Variants in LYPD6 observed in about 807,000 individuals in gnomAD.
LYPD6 encodes the protein ly6/PLAUR domain-containing protein 6.
A neutral mutation model predicts 22.7 loss-of-function variants in LYPD6; 15 were observed. The observed-to-expected ratio is 0.66, with a 90% confidence interval of 0.44 to 1.02. LYPD6 has a LOEUF of 1.02. Among genes scored for constraint, LYPD6 ranks in the 50% least tolerant of loss-of-function variants. The probability of loss-of-function intolerance (pLI) is 0.00; values close to 1 mark genes in which losing one functional copy is unlikely to be tolerated. For missense variants in LYPD6, 189 were observed against 208.4 expected (o/e 0.91, Z 0.57); for synonymous variants, 72 against 77.5 (o/e 0.93, Z 0.37).
chr2:149,425,380 A>G (rs1354735098), intron 1 of LYPD6, among the ~76,000 whole-genome samples: 1 of 152,224 alleles, frequency 6.6e-6, no homozygotes, highest in Non-Finnish European at 1.5e-5. Flanking sequence ...ACTATTAACA[A>G]TAATGTATAT....
chr2:149,395,330 GTT>G (rs1215932784), intron 1 of LYPD6, among the ~76,000 whole-genome samples: 1 of 151,988 alleles, frequency 6.6e-6, no homozygotes, highest in Non-Finnish European at 1.5e-5. Context: ...TTTTTCAAAA[GTT>G]TTCTGCCAAT....
At chr2:149,364,333 G>A (rs933471076) in intron 1 of LYPD6, among the ~76,000 whole-genome samples, 1 of 152,170 alleles carries the variant, frequency 6.6e-6, no homozygotes, top group African/African-American at 2.4e-5. Context: ...ATTGTCTGCT[G>A]TTTGATTTTG....
the LYPD6 span, among the ~76,000 whole-genome samples, chr2:149,483,881 A>G: frequency 6.6e-6 from 1 of 152,228 alleles, no homozygotes. Flanking sequence ...AATCCAGAAA[A>G]TGTGGTGTAT....
intron 1 of LYPD6, among the ~76,000 whole-genome samples, chr2:149,405,179 A>G (rs544916523): frequency 4.1e-4 from 62 of 152,124 alleles, no homozygotes; most frequent in African/African-American, 1.4e-3. Context: ...CATCAAGGCT[A>G]TTGGTCTAAA....
chr2:149,422,310 C>T (rs974241837), intron 1 of LYPD6, among the ~76,000 whole-genome samples: 7 of 152,142 alleles, frequency 4.6e-5, no homozygotes, highest in Non-Finnish European at 8.8e-5. Context: ...GAGCAGTCAG[C>T]GTGCTAGGCT....
At chr2:149,395,397 G>A (rs1411753515) in intron 1 of LYPD6, among the ~76,000 whole-genome samples, 1 of 151,628 alleles carries the variant, frequency 6.6e-6, no homozygotes, top group Admixed American at 6.6e-5. Flanking sequence ...AAAAATTTTG[G>A]GATTCTAATT....
chr2:149,352,467 G>C (rs1573735575), intron 1 of LYPD6, among the ~76,000 whole-genome samples: 1 of 152,148 alleles, frequency 6.6e-6, no homozygotes, highest in Non-Finnish European at 1.5e-5. Flanking sequence ...TGAATAGAAG[G>C]GAGAGCTTCA....
At chr2:149,379,875 G>A (rs183327510) in intron 1 of LYPD6, among the ~76,000 whole-genome samples, 46 of 152,212 alleles carry the variant, frequency 3.0e-4, no homozygotes, top group African/African-American at 1.0e-3. Flanking sequence ...TCTGCAGCAT[G>A]GGTGAAACTG....
intron 1 of LYPD6, among the ~76,000 whole-genome samples, chr2:149,408,015 C>T (rs1225504971): frequency 6.6e-6 from 1 of 152,184 alleles, no homozygotes; most frequent in African/African-American, 2.4e-5. Context: ...CCCTGTTTGC[C>T]TGGGTATCAG....
At chr2:149,380,516 A>G (rs757351794) in intron 1 of LYPD6, among the ~76,000 whole-genome samples, 6 of 152,122 alleles carry the variant, frequency 3.9e-5, no homozygotes, top group African/African-American at 9.7e-5. Flanking sequence ...TAGTCCAAGC[A>G]TTTTGGCCTG....
rs749773293 is a variant in LYPD6 at position 149,356,859 on chromosome 2, A to G, written c.-72+26137A>G. 7.1e-4 allele frequency among the ~76,000 whole-genome samples: 105 copies of G among 147,884 alleles called. 1 individual carries two copies. Among genetic ancestry groups the G allele is most frequent in the Non-Finnish European group, 1.4e-3 (91 of 65,598 alleles). ...TTGATTCTTTATGTATGTATAACAT[A>G]TGTGTAATAGTTGTAGATAAAGCAA... On this transcript the variant is annotated intron_variant, in intron 1 of 4. Transcript: ENST00000334166.
At chr2:149,344,397 G>A (rs1333832899) in intron 1 of LYPD6, among the ~76,000 whole-genome samples, 2 of 152,114 alleles carry the variant, frequency 1.3e-5, no homozygotes, top group Non-Finnish European at 2.9e-5. Context: ...CCCAAGTGCT[G>A]TACACCCTGC....
In LYPD6 at chr2:149,474,076, A is replaced by T. The variant is rs1243998315; in HGVS notation, c.*3226A>T. 1 of 152,152 alleles carries T rather than the reference A, an allele frequency of 6.6e-6. No individual in the cohort carries two copies. The highest frequency in any genetic ancestry group is 1.5e-5 in the Non-Finnish European group (1 of 68,022). 9.4% of individuals were successfully genotyped at this position (152,152 alleles called of 1,614,324 possible). A position where few individuals can be genotyped will look rare whatever the true frequency, so the allele number is the denominator to read the frequency against. ...CAGATATTGGAATAGTGTACATGTC[A>T]TTTTTATCTATACAATGAATTTATT... On this transcript the variant is annotated 3_prime_UTR_variant, in exon 5 of 5. Transcript: ENST00000334166.
chr2:149,396,941 A>G (rs1682439285), intron 1 of LYPD6, among the ~76,000 whole-genome samples: 1 of 152,194 alleles, frequency 6.6e-6, no homozygotes, highest in Non-Finnish European at 1.5e-5. Context: ...CTTATATAAA[A>G]TGGCTTATTA....
intron 2 of LYPD6, among the ~76,000 whole-genome samples, chr2:149,441,437 G>T (rs188462077): frequency 5.3e-5 from 8 of 152,278 alleles, no homozygotes; most frequent in African/African-American, 1.9e-4. Context: ...GCCCAGAACA[G>T]CCATCACTGA....
intron 1 of LYPD6, among the ~76,000 whole-genome samples, chr2:149,406,423 TG>T (rs1313305478): frequency 1.3e-5 from 2 of 151,630 alleles, no homozygotes; most frequent in Non-Finnish European, 2.9e-5. Flanking sequence ...GCTCCTGTAT[TG>T]GGTGCATATA....
chr2:149,482,849 A>C, the LYPD6 span, among the ~76,000 whole-genome samples: 15 of 152,164 alleles, frequency 9.9e-5, no homozygotes, highest in South Asian at 2.1e-4. Context: ...AGATCTGACC[A>C]CACCTGACCA....
At chr2:149,370,073 G>T (rs1001890121) in intron 1 of LYPD6, among the ~76,000 whole-genome samples, 3 of 152,096 alleles carry the variant, frequency 2.0e-5, no homozygotes, top group Admixed American at 1.3e-4. Flanking sequence ...AGGGTGAGCT[G>T]CTAAGAAATT....
At chr2:149,344,128 A>G (rs1681211333) in intron 1 of LYPD6, among the ~76,000 whole-genome samples, 1 of 152,160 alleles carries the variant, frequency 6.6e-6, no homozygotes, top group Non-Finnish European at 1.5e-5. Flanking sequence ...TATGTTTTAA[A>G]TTCTGTGAAT....
Sources: gnomAD v4.1 joint callset for allele counts (sites outside exome capture counted in the v4.1 genomes callset) on GRCh38, gnomAD v4.1.1 for gene constraint, MANE v1.5 for transcripts, NCBI Gene and HGNC (gene_info 2026-07-23, HGNC 2026-07-21) for gene names.